GSE1: variants seen among roughly 807,000 people sequenced by gnomAD.
The protein encoded by GSE1 is Gse1 coiled-coil protein.
A neutral mutation model predicts 112.6 loss-of-function variants in GSE1; 32 were observed. That is an observed-to-expected ratio of 0.28 (90% confidence interval 0.21 to 0.38). GSE1 has a LOEUF of 0.38. GSE1 is among the 10% of genes least tolerant of loss of function. The pLI, the probability that GSE1 is intolerant of heterozygous loss-of-function variation, is 1.00. For synonymous variants in GSE1, 1,115 were observed against 735.6 expected (o/e 1.52, Z -8.35); for missense variants, 2,348 against 1,699.2 (o/e 1.38, Z -6.71).
Position 85,646,708 on chromosome 16 carries a change from C to T in GSE1, c.227-1844C>T, listed in dbSNP as rs372984828. ...CACGAGGTCTCCCCGCTGCAGGCTG[C>T]AGGCCAGCCGGAGTCGGGGGTGTGA... On this transcript the variant is annotated intron_variant, in intron 2 of 15. Coordinates refer to ENST00000253458, the MANE Select transcript of GSE1 (RefSeq NM_014615.5). Among the ~76,000 whole-genome samples the T allele has an allele frequency of 1.8e-4, 28 of 152,280 alleles. No individual in the cohort carries two copies. The East Asian group carries it at 2.1e-3, about 12-fold the overall frequency.
At chr16:85,486,267 A>C (rs1435490676) in intron 2 of GSE1, among the ~76,000 whole-genome samples, 1 of 151,508 alleles carries the variant, frequency 6.6e-6, no homozygotes, top group Non-Finnish European at 1.5e-5. Context: ...GCTCCCTTAT[A>C]CTCACAGGTG....
chr16:85,304,835 C>T (rs1026646933), intron 1 of GSE1, among the ~76,000 whole-genome samples: 3 of 152,196 alleles, frequency 2.0e-5, no homozygotes, highest in South Asian at 2.1e-4. Context: ...TTTCAACCAG[C>T]GTTGTTCATT....
At chr16:85,221,611 C>G (rs1157712353) in intron 1 of GSE1, among the ~76,000 whole-genome samples, 2 of 152,212 alleles carry the variant, frequency 1.3e-5, no homozygotes, top group African/African-American at 4.8e-5. Context: ...CAGGGCTGCC[C>G]CTACCCACAT....
intron 4 of GSE1, 23 bp downstream of exon 4, chr16:85,654,473 C>G: frequency 1.9e-6 from 3 of 1,549,792 alleles, no homozygotes; most frequent in Middle Eastern, 1.8e-4. Context: ...GCGGGGACTT[C>G]GGTGAGGTGG....
In GSE1 at chr16:85,661,297, C is replaced by A. The variant is rs150474400; in HGVS notation, c.1792C>A (p.Arg598=). The A allele has an allele frequency of 6.2e-7, 1 of 1,612,822 alleles. No individual in the cohort carries two copies. The highest frequency in any genetic ancestry group is 8.5e-7 in the Non-Finnish European group (1 of 1,179,956). ...CCTGATGGACAACACCTTGGAGACG[C>A]GGCGGGCCGAAAGCCACTCTCTGCA... ...VSLMDNTLET[R]RAESHSLHSH... Residue 598 remains arginine (R), a synonymous_variant, in exon 9 of 16, where the codon CGG becomes AGG. Transcript: ENST00000253458.
intron 1 of GSE1, among the ~76,000 whole-genome samples, chr16:85,335,670 C>T (rs1230120867): frequency 6.6e-6 from 1 of 152,094 alleles, no homozygotes; most frequent in Non-Finnish European, 1.5e-5. Context: ...CCCGGCACCA[C>T]CAACAGTGAC....
chr16:85,475,783 T>C (rs77726656), intron 2 of GSE1, among the ~76,000 whole-genome samples: 46,622 of 102,362 alleles, frequency 0.46, 7,625 homozygotes, highest in African/African-American at 0.52. Flanking sequence ...TTTCTTTTTT[T>C]TTTTTTTTTT....
chr16:85,630,108 G>A (rs978129868), intron 1 of GSE1, among the ~76,000 whole-genome samples: 14 of 152,170 alleles, frequency 9.2e-5, no homozygotes, highest in African/African-American at 3.1e-4. Flanking sequence ...GGAGGCCTTG[G>A]TTCTTTGAAA....
At chr16:85,559,501 C>A (rs896435950) in intron 1 of GSE1, among the ~76,000 whole-genome samples, 1 of 152,192 alleles carries the variant, frequency 6.6e-6, no homozygotes, top group Non-Finnish European at 1.5e-5. Flanking sequence ...ATGCCTGATG[C>A]CAGATCCCAG....
intron 11 of GSE1, among the ~76,000 whole-genome samples, chr16:85,663,892 G>C (rs2052629914): frequency 6.6e-6 from 1 of 152,248 alleles, no homozygotes; most frequent in African/African-American, 2.4e-5. Flanking sequence ...GGCGCTCTTT[G>C]AGCCGAGTGC....
chr16:85,302,552 G>A (rs1232700033), intron 1 of GSE1, among the ~76,000 whole-genome samples: 4 of 152,126 alleles, frequency 2.6e-5, no homozygotes, highest in Non-Finnish European at 1.5e-5. Flanking sequence ...GAGAGGTTGT[G>A]CTTTCCTGCG....
intron 1 of GSE1, among the ~76,000 whole-genome samples, chr16:85,233,310 G>A (rs1305755792): frequency 1.3e-5 from 2 of 152,234 alleles, no homozygotes; most frequent in Admixed American, 1.3e-4. Context: ...TGCGTGGGGT[G>A]AACAGCCCAG....
At chr16:85,553,157 GC>G (rs2045010771), upstream of GSE1, among the ~76,000 whole-genome samples, 1 of 149,612 alleles carries the variant, frequency 6.7e-6, no homozygotes. Context: ...CCCCCCAGGG[GC>G]ACAGATCATG....
intron 1 of GSE1, among the ~76,000 whole-genome samples, chr16:85,276,300 A>ACTG (rs1289513055): frequency 6.6e-6 from 1 of 151,618 alleles, no homozygotes; most frequent in Non-Finnish European, 1.5e-5. Flanking sequence ...TACAACGGGT[A>ACTG]CTGCTGCAGA....
At chr16:85,212,172 G>A (rs774864663) in intron 1 of GSE1, among the ~76,000 whole-genome samples, 4 of 152,200 alleles carry the variant, frequency 2.6e-5, no homozygotes, top group Non-Finnish European at 4.4e-5. Context: ...TTGGGAGGCC[G>A]AGACCGGCAG....
At chr16:85,558,817 C>T (rs2045371257) in intron 1 of GSE1, among the ~76,000 whole-genome samples, 1 of 152,128 alleles carries the variant, frequency 6.6e-6, no homozygotes, top group South Asian at 2.1e-4. Flanking sequence ...CTTCCCAGGG[C>T]TGGGGTTAAC....
At chr16:85,622,398 T>G (rs1381937157) in intron 1 of GSE1, among the ~76,000 whole-genome samples, 2 of 152,168 alleles carry the variant, frequency 1.3e-5, no homozygotes, top group Non-Finnish European at 2.9e-5. Flanking sequence ...ACCCTGTATT[T>G]CCTCTGTCCA....
intron 11 of GSE1, among the ~76,000 whole-genome samples, chr16:85,664,087 TC>T (rs918765049): frequency 6.6e-6 from 1 of 152,234 alleles, no homozygotes; most frequent in African/African-American, 2.4e-5. Flanking sequence ...GAAAGATGCT[TC>T]CAGTTCAGTC....
At chr16:85,585,721 C>G (rs2046661701) in intron 1 of GSE1, among the ~76,000 whole-genome samples, 1 of 152,228 alleles carries the variant, frequency 6.6e-6, no homozygotes, top group African/African-American at 2.4e-5. Flanking sequence ...GCCTCACTTT[C>G]CTTGTTTATA....
Sources: gnomAD v4.1 joint callset for allele counts (sites outside exome capture counted in the v4.1 genomes callset) on GRCh38, gnomAD v4.1.1 for gene constraint, MANE v1.5 for transcripts, NCBI Gene and HGNC (gene_info 2026-07-23, HGNC 2026-07-21) for gene names.